FBXO17: variants seen among roughly 807,000 people sequenced by gnomAD.
The protein encoded by FBXO17 is F-box only protein 17.
Under a neutral mutation model 34.1 loss-of-function variants are expected in FBXO17, and 43 were observed. The ratio of observed to expected loss-of-function variants is 1.26; its 90% confidence interval spans 0.99 to 1.62. The LOEUF (loss-of-function observed/expected upper bound fraction) is 1.62. FBXO17 is among the 40% of genes most tolerant of loss of function. The probability of loss-of-function intolerance (pLI) is 0.00; values close to 1 mark genes in which losing one functional copy is unlikely to be tolerated. For synonymous variants in FBXO17, 169 were observed against 166.0 expected, an observed-to-expected ratio of 1.02 and a Z score of -0.14; for missense variants, 424 against 386.7, an observed-to-expected ratio of 1.10 and a Z score of -0.81.
intron 1 of FBXO17, among the ~76,000 whole-genome samples, chr19:38,972,821 G>A (rs1046914824): frequency 2.6e-5 from 4 of 151,902 alleles, no homozygotes; most frequent in African/African-American, 7.2e-5. Flanking sequence ...GTGCAATGGC[G>A]CGATCTCGGC....
At chr19:38,947,145 G>C (rs563315950) in intron 3 of FBXO17, 1 of 153,640 alleles carries the variant, frequency 6.5e-6, no homozygotes, top group Non-Finnish European at 1.5e-5. Context: ...GGGTGGTAAC[G>C]TTCCTTTCCT....
At chr19:38,959,061 C>A (rs1460498414) in intron 1 of FBXO17, among the ~76,000 whole-genome samples, 1 of 152,036 alleles carries the variant, frequency 6.6e-6, no homozygotes, top group Non-Finnish European at 1.5e-5. Flanking sequence ...TGCCACCATG[C>A]CCAGCTTCGT....
At chr19:38,945,189 T>C in intron 4 of FBXO17, 85 bp from the exon 5 acceptor site, 1 of 1,556,068 alleles carries the variant, frequency 6.4e-7, no homozygotes, top group Non-Finnish European at 8.7e-7. Flanking sequence ...GCTGGCTCCA[T>C]CTTGATGAAG....
chr19:38,942,636 C>A lies in FBXO17; in HGVS notation c.809G>T (p.Ser270Ile). The change falls in exon 6 of 6, where the codon AGT (serine) becomes ATT (isoleucine). Residue 270 changes from serine to isoleucine, a missense_variant. Coordinates refer to ENST00000292852, the MANE Select transcript of FBXO17 (RefSeq NM_024907.7). Reference protein sequence around the residue: ...GHYGALVTHSSVRVRIRLS With the variant: ...GHYGALVTHSIVRVRIRLS ...GGACAGACGGATCCTGACCCTCACA[C>A]TGGAGTGGGTCACAAGGGCGCCATA... The A allele has an allele frequency of 1.9e-6, 3 of 1,591,600 alleles. No individual in the cohort carries two copies. The highest frequency in any genetic ancestry group is 2.3e-5 in the East Asian group (1 of 42,554).
rs751329740 is a variant in FBXO17 at position 38,946,724 on chromosome 19, ATC to A, written c.462-159_462-158del. On this transcript the variant is annotated intron_variant, in intron 3 of 5. Coordinates refer to ENST00000292852, the MANE Select transcript of FBXO17 (RefSeq NM_024907.7). ...CCTGAAGATGCATGATGGGCTATAC[ATC>A]TCTCCTTGGCCTCTTGGAGTCCCTT... is the stretch of plus-strand genomic sequence containing the variant. 255 of 1,060,896 alleles carry A rather than the reference ATC, an allele frequency of 2.4e-4. 2 individuals carry two copies. In the East Asian group the frequency reaches 6.5e-3, roughly 27 times the overall value. The allele number at this position is 1,060,896 out of a possible 1,614,324, so 65.7% of individuals were successfully genotyped here.
In FBXO17 at chr19:38,950,324, A is replaced by G; in HGVS notation, c.-5T>C. On this transcript the variant is annotated 5_prime_UTR_variant, in exon 2 of 6. Transcript: ENST00000292852. ...CCGCGATAGCCGGGCGCCCATCTCC[A>G]GTAGCCAGAGTCCTGCAGGTCGAGA... The G allele has an allele frequency of 1.4e-6, 2 of 1,424,358 alleles. No homozygotes were observed. Among genetic ancestry groups the G allele is most frequent in the African/African-American group, 1.5e-5 (1 of 66,922 alleles). 88.2% of individuals were successfully genotyped at this position (1,424,358 alleles called of 1,614,324 possible). A position where few individuals can be genotyped will look rare whatever the true frequency, so the allele number is the denominator to read the frequency against.
At chr19:38,955,484 CTTTTTT>C (rs1223708955) in intron 1 of FBXO17, among the ~76,000 whole-genome samples, 1 of 133,712 alleles carries the variant, frequency 7.5e-6, no homozygotes, top group East Asian at 2.3e-4. Context: ...TTCTTTCTTT[CTTTTTT>C]TTTTTTTTTT....
chr19:38,969,857 C>T (rs960518944), intron 1 of FBXO17, among the ~76,000 whole-genome samples: 6 of 151,898 alleles, frequency 4.0e-5, no homozygotes, highest in Non-Finnish European at 5.9e-5. Context: ...CTTGGCTTCC[C>T]GAAGTGCTGG....
At chr19:38,946,390 A>G in intron 4 of FBXO17, 82 bp downstream of exon 4, 1 of 1,593,022 alleles carries the variant, frequency 6.3e-7, no homozygotes, top group Middle Eastern at 1.9e-4. Context: ...CGTGGGGTTG[A>G]TGGGGCGGGA....
chr19:38,951,529 A>C (rs1015827632), intron 1 of FBXO17, among the ~76,000 whole-genome samples: 2 of 152,012 alleles, frequency 1.3e-5, no homozygotes, highest in Non-Finnish European at 2.9e-5. Flanking sequence ...AAAAAAAAAA[A>C]AAATTGTACT....
chr19:38,968,629 G>C (rs1975351346), intron 1 of FBXO17, among the ~76,000 whole-genome samples: 1 of 152,076 alleles, frequency 6.6e-6, no homozygotes, highest in African/African-American at 2.4e-5. Context: ...GTTCATAGCA[G>C]CTTTATACAT....
At chr19:38,974,357 C>T (rs1975433945) in intron 1 of FBXO17, among the ~76,000 whole-genome samples, 1 of 151,944 alleles carries the variant, frequency 6.6e-6, no homozygotes, top group African/African-American at 2.4e-5. Flanking sequence ...GGATTACAAG[C>T]GTGAGCCACC....
At chr19:38,960,582 C>T (rs1326351518) in intron 1 of FBXO17, among the ~76,000 whole-genome samples, 2 of 152,172 alleles carry the variant, frequency 1.3e-5, no homozygotes, top group Non-Finnish European at 2.9e-5. Flanking sequence ...GATCTCGGCT[C>T]ACTGTAACCT....
chr19:38,946,153 C>A lies in FBXO17; in HGVS notation c.557+319G>T, dbSNP rs548228654. 9 of 411,074 alleles carry A rather than the reference C, an allele frequency of 2.2e-5. No homozygotes were observed. The South Asian group carries it at 2.3e-4, about 11-fold the overall frequency. The allele number at this position is 411,074 out of a possible 1,614,324, so 25.5% of individuals were successfully genotyped here. A position where few individuals can be genotyped will look rare whatever the true frequency, so the allele number is the denominator to read the frequency against. ...GCTCACAGGGCACCATGCTCCCACC[C>A]CTTCAGAGACCCTGGGCATCCACAA... is the stretch of plus-strand genomic sequence containing the variant. On this transcript the variant is annotated intron_variant, in intron 4 of 5. Coordinates refer to ENST00000292852, the MANE Select transcript of FBXO17 (RefSeq NM_024907.7).
At position 38,949,807 on chromosome 19, in the gene FBXO17, G is replaced by T. The variant is rs113542021; in HGVS notation, c.349+164C>A. Reference sequence around the variant, plus strand: ...TCCCGGCTTCACCTTCTCCAGCCCCGCCCACCGGGCCTACCGCCCAGGCAC... The same window carrying T: ...TCCCGGCTTCACCTTCTCCAGCCCCTCCCACCGGGCCTACCGCCCAGGCAC... On this transcript the variant is annotated intron_variant, in intron 2 of 5. Transcript: ENST00000292852. 8.1e-6 allele frequency: 7 copies of T among 863,568 alleles called. No homozygotes were observed. In the South Asian group the frequency reaches 1.4e-4, roughly 17 times the overall value. 53.5% of individuals were successfully genotyped at this position (863,568 alleles called of 1,614,324 possible). A position where few individuals can be genotyped will look rare whatever the true frequency, so the allele number is the denominator to read the frequency against.
intron 1 of FBXO17, among the ~76,000 whole-genome samples, chr19:38,960,437 G>A (rs1339073216): frequency 2.0e-5 from 3 of 152,072 alleles, no homozygotes; most frequent in African/African-American, 7.2e-5. Flanking sequence ...GAGGAGACCC[G>A]AACAGCTGGC....
chr19:38,961,682 G>A (rs1454351105), intron 1 of FBXO17, among the ~76,000 whole-genome samples: 2 of 151,738 alleles, frequency 1.3e-5, no homozygotes, highest in African/African-American at 4.8e-5. Flanking sequence ...TTGTTTTTGA[G>A]ACGTAGTATT....
At chr19:38,973,131 T>C (rs1328397649) in intron 1 of FBXO17, among the ~76,000 whole-genome samples, 1 of 152,110 alleles carries the variant, frequency 6.6e-6, no homozygotes, top group Non-Finnish European at 1.5e-5. Context: ...TTCCAGCACT[T>C]TGGGAGGCCA....
At chr19:38,951,700 G>T (rs1242987974) in intron 1 of FBXO17, among the ~76,000 whole-genome samples, 1 of 148,254 alleles carries the variant, frequency 6.7e-6, no homozygotes, top group Admixed American at 6.8e-5. Flanking sequence ...ACCCAGGCTG[G>T]AATGCAGTGG....
Sources: gnomAD v4.1 joint callset for allele counts (sites outside exome capture counted in the v4.1 genomes callset) on GRCh38, gnomAD v4.1.1 for gene constraint, MANE v1.5 for transcripts, NCBI Gene and HGNC (gene_info 2026-07-23, HGNC 2026-07-21) for gene names.